CNTNAP2: variants seen among roughly 807,000 people sequenced by gnomAD.
The protein encoded by CNTNAP2 is contactin associated protein 2, also known as contactin-associated protein-like 2.
A neutral mutation model predicts 155.2 loss-of-function variants in CNTNAP2; 98 were observed. The observed-to-expected ratio is 0.63, with a 90% CI of 0.54 to 0.75. CNTNAP2 has a LOEUF of 0.75. Ranked by LOEUF, CNTNAP2 falls within the 30% of genes least tolerant of loss-of-function variation. The pLI is 0.00. For missense variants in CNTNAP2, 1,727 were observed against 1,688.1 expected (o/e 1.02, Z -0.40); for synonymous variants, 651 against 631.2 (o/e 1.03, Z -0.47).
intron 16 of CNTNAP2, among the ~76,000 whole-genome samples, chr7:148,120,972 G>GA (rs574423227): frequency 1.3e-4 from 20 of 152,032 alleles, no homozygotes; most frequent in Non-Finnish European, 2.2e-4. Context: ...AGAACATGGA[G>GA]AAAAAAATGG....
At chr7:146,403,299 G>T (rs1795741002) in intron 1 of CNTNAP2, among the ~76,000 whole-genome samples, 1 of 152,074 alleles carries the variant, frequency 6.6e-6, no homozygotes, top group Non-Finnish European at 1.5e-5. Context: ...ATCATATTCG[G>T]ATGACATAAT....
At chr7:146,946,091 TTCCTTTCCTTCTTTCCTTCCTTCC>T (rs1797166342) in intron 3 of CNTNAP2, among the ~76,000 whole-genome samples, 1 of 151,074 alleles carries the variant, frequency 6.6e-6, no homozygotes, top group Admixed American at 6.6e-5. Context: ...CCTTCCTTCC[TTCCTTTCCTTCTTTCCTTCCTTCC>T]TTCCTTCTTT....
chr7:146,602,615 T>C lies in CNTNAP2; in HGVS notation c.98-171656T>C, dbSNP rs111518710. On this transcript the variant is annotated intron_variant, in intron 1 of 23. Coordinates refer to ENST00000361727, the MANE Select transcript of CNTNAP2 (RefSeq NM_014141.6). ...TTTTGTCACATGTCAGTGTTAAATATGACATAACTACGTTGCCCTTGATAC... is the reference window on the plus strand; with the variant it reads ...TTTTGTCACATGTCAGTGTTAAATACGACATAACTACGTTGCCCTTGATAC... 9.9e-3 allele frequency among the ~76,000 whole-genome samples: 1,514 copies of C among 152,336 alleles called. 17 individuals are homozygous for C. Among genetic ancestry groups the C allele is most frequent in the African/African-American group, 0.035 (1,450 of 41,572 alleles).
chr7:146,790,739 T>G (rs1802656732), intron 2 of CNTNAP2, among the ~76,000 whole-genome samples: 1 of 151,904 alleles, frequency 6.6e-6, no homozygotes, highest in Non-Finnish European at 1.5e-5. Context: ...CTGGCTAATT[T>G]TTTGTATTTT....
chr7:147,405,254 A>G (rs888536676), intron 10 of CNTNAP2, among the ~76,000 whole-genome samples: 1 of 152,202 alleles, frequency 6.6e-6, no homozygotes, highest in Non-Finnish European at 1.5e-5. Flanking sequence ...TGCTTTTGAT[A>G]TCATATTACC....
intron 8 of CNTNAP2, among the ~76,000 whole-genome samples, chr7:147,204,211 A>C (rs1245030001): frequency 6.6e-6 from 1 of 152,074 alleles, no homozygotes; most frequent in Non-Finnish European, 1.5e-5. Flanking sequence ...GAAAAAATAT[A>C]TGCATATAGA....
chr7:146,185,400 T>C (rs1036299571), intron 1 of CNTNAP2, among the ~76,000 whole-genome samples: 2 of 152,102 alleles, frequency 1.3e-5, no homozygotes, highest in Non-Finnish European at 1.5e-5. Flanking sequence ...GTAACTTCGA[T>C]AGAGACCATG....
intron 15 of CNTNAP2, among the ~76,000 whole-genome samples, chr7:147,998,357 C>G (rs1801844453): frequency 1.3e-5 from 2 of 152,058 alleles, no homozygotes; most frequent in African/African-American, 4.8e-5. Flanking sequence ...GTGATCCGCC[C>G]ACCTTGGCCT....
chr7:146,659,572 A>G (rs1800052381), intron 1 of CNTNAP2, among the ~76,000 whole-genome samples: 1 of 152,190 alleles, frequency 6.6e-6, no homozygotes, highest in Non-Finnish European at 1.5e-5. Flanking sequence ...TTGGCAGCTA[A>G]TGTTCCTTAA....
chr7:148,374,469 C>T (rs922453502), intron 21 of CNTNAP2, among the ~76,000 whole-genome samples: 1 of 152,104 alleles, frequency 6.6e-6, no homozygotes, highest in African/African-American at 2.4e-5. Flanking sequence ...GAGTTAGTTT[C>T]AAATGACCCT....
intron 18 of CNTNAP2, among the ~76,000 whole-genome samples, chr7:148,194,839 G>A (rs1795251549): frequency 6.6e-6 from 1 of 152,156 alleles, no homozygotes; most frequent in Non-Finnish European, 1.5e-5. Context: ...CCTTATTGGT[G>A]AGGGCAGATC....
At chr7:148,243,127 T>C (rs1464290307) in intron 20 of CNTNAP2, among the ~76,000 whole-genome samples, 2 of 152,176 alleles carry the variant, frequency 1.3e-5, no homozygotes, top group African/African-American at 4.8e-5. Flanking sequence ...TCCTTCCTGA[T>C]ATTGTCACCC....
chr7:146,188,641 A>C (rs1174425277), intron 1 of CNTNAP2, among the ~76,000 whole-genome samples: 2 of 152,178 alleles, frequency 1.3e-5, no homozygotes, highest in African/African-American at 4.8e-5. Context: ...ATTTCAGGTG[A>C]TTCTCTTAAT....
intron 18 of CNTNAP2, among the ~76,000 whole-genome samples, chr7:148,215,826 C>A (rs949460226): frequency 6.6e-6 from 1 of 152,140 alleles, no homozygotes; most frequent in Admixed American, 6.5e-5. Flanking sequence ...GCAAGATACA[C>A]CCCCAGGCGT....
chr7:148,287,847 A>C (rs1797110797), intron 21 of CNTNAP2, among the ~76,000 whole-genome samples: 1 of 145,668 alleles, frequency 6.9e-6, no homozygotes, highest in South Asian at 2.2e-4. Flanking sequence ...GCTGGAGTGC[A>C]ATGGCATGAT....
intron 8 of CNTNAP2, among the ~76,000 whole-genome samples, chr7:147,255,309 C>T (rs1804296683): frequency 1.3e-5 from 2 of 152,158 alleles, no homozygotes; most frequent in Admixed American, 1.3e-4. Flanking sequence ...GCAACCTCCA[C>T]CTCCAGGGTT....
intron 13 of CNTNAP2, among the ~76,000 whole-genome samples, chr7:147,660,767 A>G (rs917093896): frequency 6.6e-6 from 1 of 152,222 alleles, no homozygotes; most frequent in African/African-American, 2.4e-5. Flanking sequence ...ATCTTCTACT[A>G]AAGACATTTC....
chr7:146,635,717 G>A (rs1416606808), intron 1 of CNTNAP2, among the ~76,000 whole-genome samples: 1 of 151,998 alleles, frequency 6.6e-6, no homozygotes, highest in African/African-American at 2.4e-5. Context: ...TTTGTTTGGT[G>A]AAGTGGATGA....
intron 22 of CNTNAP2, among the ~76,000 whole-genome samples, chr7:148,408,261 G>C (rs1371686991): frequency 6.6e-6 from 1 of 151,286 alleles, no homozygotes; most frequent in African/African-American, 2.4e-5. Context: ...CACTGCCCCC[G>C]CCCCACACAC....
Sources: allele counts gnomAD v4.1 joint callset (sites outside exome capture counted in the v4.1 genomes callset), GRCh38; gene constraint gnomAD v4.1.1; transcripts MANE v1.5; gene names NCBI Gene and HGNC (gene_info 2026-07-23, HGNC 2026-07-21).